The following ZDHHC13 variants were observed in gnomAD, a reference collection of about 807,000 sequenced individuals.
The protein encoded by ZDHHC13 is zDHHC palmitoyltransferase 13.
In ZDHHC13, 85 loss-of-function variants were observed where a neutral mutation model predicts 86.0. The observed-to-expected ratio is 0.99, with a 90% CI of 0.83 to 1.18. ZDHHC13 has a LOEUF of 1.18. Ranked by LOEUF, ZDHHC13 falls within the 50% of genes most tolerant of loss-of-function variation. The pLI, the probability that ZDHHC13 is intolerant of heterozygous loss-of-function variation, is 0.00. For synonymous variants in ZDHHC13, 263 were observed against 246.4 expected, an observed-to-expected ratio of 1.07 and a Z score of -0.63; for missense variants, 711 against 730.2, an observed-to-expected ratio of 0.97 and a Z score of 0.30.
intron 1 of ZDHHC13, among the ~76,000 whole-genome samples, chr11:19,140,666 C>G (rs1295225426): frequency 6.6e-6 from 1 of 152,008 alleles, no homozygotes; most frequent in Non-Finnish European, 1.5e-5. Context: ...GGAACCAACC[C>G]AAATGTCCAA....
intron 15 of ZDHHC13, among the ~76,000 whole-genome samples, chr11:19,170,974 T>C (rs1850206505): frequency 6.6e-6 from 1 of 152,168 alleles, no homozygotes; most frequent in African/African-American, 2.4e-5. Flanking sequence ...CATTGTACAG[T>C]TAAATTATAT....
chr11:19,147,781 C>CCA (rs796670281), intron 4 of ZDHHC13, 108 bp downstream of exon 4: 13 of 745,282 alleles, frequency 1.7e-5, no homozygotes, highest in Admixed American at 7.0e-5. Context: ...TTCCCCCCCC[C>CCA]CCTTTATTTA....
At chr11:19,142,198 A>G (rs1658818102) in intron 1 of ZDHHC13, among the ~76,000 whole-genome samples, 1 of 152,138 alleles carries the variant, frequency 6.6e-6, no homozygotes, top group African/African-American at 2.4e-5. Context: ...TTGCTGTTGT[A>G]TGATCAAAGT....
chr11:19,124,619 CTT>C (rs1316994134), intron 1 of ZDHHC13, among the ~76,000 whole-genome samples: 2 of 152,110 alleles, frequency 1.3e-5, no homozygotes, highest in South Asian at 2.1e-4. Context: ...TAGTTCAACT[CTT>C]TTCCTCAACC....
chr11:19,138,656 A>T (rs1849218305), intron 1 of ZDHHC13, among the ~76,000 whole-genome samples: 1 of 149,708 alleles, frequency 6.7e-6, no homozygotes, highest in African/African-American at 2.4e-5. Flanking sequence ...TTGATGCAAA[A>T]ATCCTCAATA....
In ZDHHC13 at chr11:19,152,410, T is replaced by C; in HGVS notation, c.747+90T>C. On this transcript the variant is annotated intron_variant, in intron 7 of 16. Transcript: ENST00000446113. The stretch of plus-strand genomic sequence containing the variant: ...GTAAAGATAAGCTATATAATTGTTT[T>C]CAGTTACCCCAAGATAGATATAAAT... 9.4e-6 allele frequency: 14 copies of C among 1,488,248 alleles called. No individual in the cohort carries two copies. The South Asian group carries it at 1.5e-4, about 16-fold the overall frequency. 92.2% of individuals were successfully genotyped at this position (1,488,248 alleles called of 1,614,324 possible). A position where few individuals can be genotyped will look rare whatever the true frequency, so the allele number is the denominator to read the frequency against.
At chr11:19,126,242 C>A (rs1848872007) in intron 1 of ZDHHC13, among the ~76,000 whole-genome samples, 1 of 151,876 alleles carries the variant, frequency 6.6e-6, no homozygotes, top group Admixed American at 6.6e-5. Context: ...AGCCTAGTAC[C>A]CAGTAGTGAT....
chr11:19,133,966 C>A (rs1849066846), intron 1 of ZDHHC13, among the ~76,000 whole-genome samples: 2 of 111,356 alleles, frequency 1.8e-5, no homozygotes, highest in South Asian at 3.1e-4. Flanking sequence ...TTATATACTT[C>A]AGTCTTTATA....
chr11:19,127,266 G>T (rs988335203), intron 1 of ZDHHC13, among the ~76,000 whole-genome samples: 23 of 152,122 alleles, frequency 1.5e-4, no homozygotes, highest in African/African-American at 5.1e-4. Context: ...ATTGAAAAGT[G>T]TCTGTTCATG....
chr11:19,130,045 G>A lies in ZDHHC13; in HGVS notation c.27+12769G>A, dbSNP rs1014760461. Among the ~76,000 whole-genome samples, 12 of 151,952 alleles carry A rather than the reference G, an allele frequency of 7.9e-5. No homozygotes were observed. The East Asian group carries it at 1.4e-3, about 17-fold the overall frequency. On this transcript the variant is annotated intron_variant, in intron 1 of 16. Transcript: ENST00000446113. ...AGAGCTTGCAGTGAGCCGAGATCAC[G>A]CCACTGCACTCCAGCCTGGGCAACA...
intron 4 of ZDHHC13, 81 bp from the exon 5 acceptor site, chr11:19,149,106 A>T (rs1426588543): frequency 1.6e-6 from 2 of 1,240,282 alleles, no homozygotes; most frequent in African/African-American, 3.1e-5. Flanking sequence ...AAAATCCCTC[A>T]TGTCTTAGGA....
In ZDHHC13 at chr11:19,142,977, G is replaced by A; in HGVS notation, c.28-1G>A. On this transcript the variant is annotated splice_acceptor_variant, in intron 1 of 16. Coordinates refer to ENST00000446113, the MANE Select transcript of ZDHHC13 (RefSeq NM_019028.3). LOFTEE classifies it high-confidence loss of function. ...TTTGTCAAATGACTCTTACTCTTCA[G>A]TGCAGGAATCACAGCCATGGCCCCC... The A allele has an allele frequency of 6.2e-7, 1 of 1,605,564 alleles. No individual in the cohort carries two copies. Among genetic ancestry groups the A allele is most frequent in the Non-Finnish European group, 8.5e-7 (1 of 1,175,394 alleles).
chr11:19,127,138 T>A (rs1848896893), intron 1 of ZDHHC13, among the ~76,000 whole-genome samples: 1 of 152,196 alleles, frequency 6.6e-6, no homozygotes, highest in Non-Finnish European at 1.5e-5. Context: ...GACGTTTGAA[T>A]AATAGCATTC....
At chr11:19,121,743 A>G (rs1319103559) in intron 1 of ZDHHC13, among the ~76,000 whole-genome samples, 2 of 152,210 alleles carry the variant, frequency 1.3e-5, no homozygotes, top group African/African-American at 4.8e-5. Context: ...TCACAAGTCA[A>G]TAGTGACTAT....
chr11:19,138,719 TC>T (rs1399007656), intron 1 of ZDHHC13, among the ~76,000 whole-genome samples: 1 of 151,570 alleles, frequency 6.6e-6, no homozygotes, highest in Non-Finnish European at 1.5e-5. Context: ...TCCACCATGA[TC>T]AAGTGGGCTT....
chr11:19,152,430 A>T, intron 7 of ZDHHC13, 110 bp downstream of exon 7: 1 of 1,446,522 alleles, frequency 6.9e-7, no homozygotes, highest in South Asian at 1.5e-5. Context: ...CAAGATAGAT[A>T]TAAATGATAA....
chr11:19,150,625 A>G (rs2133425257), intron 5 of ZDHHC13, 102 bp from the exon 6 acceptor site: 1 of 977,652 alleles, frequency 1.0e-6, no homozygotes, highest in South Asian at 2.0e-5. Context: ...TTATGTAGAA[A>G]TAATGGTAGT....
At chr11:19,175,566 T>C (rs934209068) in intron 16 of ZDHHC13, among the ~76,000 whole-genome samples, 5 of 151,810 alleles carry the variant, frequency 3.3e-5, no homozygotes, top group African/African-American at 1.2e-4. Flanking sequence ...GAATCCAAAA[T>C]GAAGTGATGA....
intron 15 of ZDHHC13, among the ~76,000 whole-genome samples, chr11:19,172,186 C>T (rs776887666): frequency 3.6e-4 from 55 of 152,154 alleles, no homozygotes; most frequent in Non-Finnish European, 6.8e-4. Context: ...GATTCTCCTG[C>T]CTCAGCCTCC....
Sources: allele counts gnomAD v4.1 joint callset (sites outside exome capture counted in the v4.1 genomes callset), GRCh38; gene constraint gnomAD v4.1.1; transcripts MANE v1.5; gene names NCBI Gene and HGNC (gene_info 2026-07-23, HGNC 2026-07-21).